Variants in SLC24A3 observed in about 807,000 individuals in gnomAD.
SLC24A3 encodes the protein solute carrier family 24 member 3, also known as sodium/potassium/calcium exchanger 3.
In SLC24A3, 28 loss-of-function variants were observed where a neutral mutation model predicts 75.8. That is an observed-to-expected ratio of 0.37 (90% CI 0.27 to 0.51). SLC24A3 has a LOEUF of 0.51. Ranked by LOEUF, SLC24A3 falls within the 20% of genes least tolerant of loss-of-function variation. SLC24A3 has a pLI of 0.94. For synonymous variants in SLC24A3, 372 were observed against 334.1 expected, an observed-to-expected ratio of 1.11 and a Z score of -1.24; for missense variants, 663 against 847.8, an observed-to-expected ratio of 0.78 and a Z score of 2.71.
At chr20:19,545,378 C>T (rs2030571623) in intron 3 of SLC24A3, among the ~76,000 whole-genome samples, 1 of 152,220 alleles carries the variant, frequency 6.6e-6, no homozygotes, top group Non-Finnish European at 1.5e-5. Context: ...GGTGCTCCCC[C>T]TGGAGTCAGC....
At chr20:19,470,013 G>A (rs981391163) in intron 2 of SLC24A3, among the ~76,000 whole-genome samples, 1 of 152,162 alleles carries the variant, frequency 6.6e-6, no homozygotes, top group Non-Finnish European at 1.5e-5. Flanking sequence ...AGGGACCCTT[G>A]CTTGAGAACC....
intron 2 of SLC24A3, among the ~76,000 whole-genome samples, chr20:19,338,718 G>A (rs529876957): frequency 3.8e-4 from 58 of 152,304 alleles, no homozygotes; most frequent in African/African-American, 1.3e-3. Context: ...GACCTCAAGG[G>A]ACTTCAGGTT....
chr20:19,432,553 C>T (rs1025220203), intron 2 of SLC24A3, among the ~76,000 whole-genome samples: 9 of 152,016 alleles, frequency 5.9e-5, no homozygotes, highest in African/African-American at 1.9e-4. Context: ...AGCCCCAAGA[C>T]ATTCATAAGT....
chr20:19,291,069 T>A (rs1983930159), intron 2 of SLC24A3, among the ~76,000 whole-genome samples: 1 of 152,184 alleles, frequency 6.6e-6, no homozygotes, highest in African/African-American at 2.4e-5. Flanking sequence ...TGCCATCGGG[T>A]CCTCAGTTGC....
chr20:19,351,429 C>T (rs568535851), intron 2 of SLC24A3, among the ~76,000 whole-genome samples: 3 of 152,246 alleles, frequency 2.0e-5, no homozygotes, highest in African/African-American at 7.2e-5. Flanking sequence ...GCTCTTCCCT[C>T]TGACTTTGTG....
chr20:19,248,644 T>C (rs78593020), intron 1 of SLC24A3, among the ~76,000 whole-genome samples: 1 of 152,270 alleles, frequency 6.6e-6, no homozygotes, highest in East Asian at 1.9e-4. Context: ...GCTCCACTTC[T>C]GGGTATACAT....
intron 2 of SLC24A3, among the ~76,000 whole-genome samples, chr20:19,456,815 C>T (rs548904764): frequency 6.6e-6 from 1 of 152,192 alleles, no homozygotes; most frequent in Non-Finnish European, 1.5e-5. Context: ...CAGCTTTGAC[C>T]TGGGAGTCAG....
intron 8 of SLC24A3, among the ~76,000 whole-genome samples, chr20:19,669,168 G>A (rs1002815149): frequency 6.6e-6 from 1 of 152,184 alleles, no homozygotes; most frequent in East Asian, 1.9e-4. Context: ...AGTGGTGAGT[G>A]CTCTTCGGTT....
intron 1 of SLC24A3, among the ~76,000 whole-genome samples, chr20:19,216,495 A>G (rs572032315): frequency 1.9e-4 from 29 of 152,234 alleles, no homozygotes; most frequent in Non-Finnish European, 3.1e-4. Context: ...CTGTAATCCC[A>G]GCTACTCAGA....
At chr20:19,554,923 C>G (rs2030758746) in intron 3 of SLC24A3, among the ~76,000 whole-genome samples, 1 of 152,222 alleles carries the variant, frequency 6.6e-6, no homozygotes, top group Non-Finnish European at 1.5e-5. Flanking sequence ...AGAATGGCAA[C>G]AGAGAACAAG....
Position 19,673,600 on chromosome 20 carries a change from G to A in SLC24A3, c.714-1G>A. 6.2e-7 allele frequency: 1 copy of A among 1,613,942 alleles called. No individual in the cohort carries two copies. The highest frequency in any genetic ancestry group is 8.5e-7 in the Non-Finnish European group (1 of 1,179,806). On this transcript the variant is annotated splice_acceptor_variant, in intron 8 of 16. Coordinates refer to ENST00000328041, the MANE Select transcript of SLC24A3 (RefSeq NM_020689.4). LOFTEE classifies it high-confidence loss of function. ...TTTAACTGTTCTTGGTTTACACACA[G>A]GTGGGAGTCTTTAGTCCTTGTGCTG... is the stretch of plus-strand genomic sequence containing the variant.
intron 4 of SLC24A3, among the ~76,000 whole-genome samples, chr20:19,581,276 G>T (rs1176317398): frequency 6.6e-6 from 1 of 152,158 alleles, no homozygotes; most frequent in East Asian, 1.9e-4. Flanking sequence ...TGTAACTGGA[G>T]TCCTCTGTGA....
intron 4 of SLC24A3, among the ~76,000 whole-genome samples, chr20:19,581,574 G>C (rs535084082): frequency 6.6e-6 from 1 of 152,194 alleles, no homozygotes; most frequent in Non-Finnish European, 1.5e-5. Flanking sequence ...TGTTTAAGGA[G>C]GGTGAGGTGT....
At chr20:19,625,907 T>C (rs936600118) in intron 6 of SLC24A3, among the ~76,000 whole-genome samples, 15 of 152,206 alleles carry the variant, frequency 9.9e-5, no homozygotes, top group African/African-American at 3.6e-4. Context: ...TCAGGCATTG[T>C]AAATCTATTC....
intron 2 of SLC24A3, among the ~76,000 whole-genome samples, chr20:19,421,777 C>A (rs1185415505): frequency 6.6e-6 from 1 of 152,182 alleles, no homozygotes; most frequent in Non-Finnish European, 1.5e-5. Flanking sequence ...GGGCTTCGCG[C>A]CTCACAGCTT....
At chr20:19,299,198 ATG>A (rs57048749) in intron 2 of SLC24A3, among the ~76,000 whole-genome samples, 60 of 144,860 alleles carry the variant, frequency 4.1e-4, no homozygotes, top group East Asian at 3.6e-3. Flanking sequence ...GTGTGTGTGT[ATG>A]TGTGTGTGTG....
chr20:19,711,858 T>A (rs1215291267), intron 15 of SLC24A3, among the ~76,000 whole-genome samples: 1 of 152,226 alleles, frequency 6.6e-6, no homozygotes, highest in Non-Finnish European at 1.5e-5. Context: ...CAGGATGGTC[T>A]TGATCTCTTG....
intron 2 of SLC24A3, among the ~76,000 whole-genome samples, chr20:19,292,625 A>C (rs1983967848): frequency 6.6e-6 from 1 of 152,166 alleles, no homozygotes; most frequent in Non-Finnish European, 1.5e-5. Context: ...CCGAGTATGC[A>C]GGCTGGGTGT....
intron 2 of SLC24A3, among the ~76,000 whole-genome samples, chr20:19,394,500 C>T (rs1028642141): frequency 2.0e-5 from 3 of 152,102 alleles, no homozygotes; most frequent in Non-Finnish European, 4.4e-5. Context: ...GGAAGTCCTA[C>T]ATCTAAAAGC....
Sources: allele counts gnomAD v4.1 joint callset (sites outside exome capture counted in the v4.1 genomes callset), GRCh38; gene constraint gnomAD v4.1.1; transcripts MANE v1.5; gene names NCBI Gene and HGNC (gene_info 2026-07-23, HGNC 2026-07-21).